SLC38A9: variants seen among roughly 807,000 people sequenced by gnomAD.
SLC38A9 encodes neutral amino acid transporter 9.
In SLC38A9, 48 loss-of-function variants were observed where a neutral mutation model predicts 62.3. That is an observed-to-expected ratio of 0.77 (90% CI 0.61 to 0.98). The LOEUF (loss-of-function observed/expected upper bound fraction) is 0.98, where lower values mean the gene tolerates loss of function less well. Among genes scored for constraint, SLC38A9 ranks in the 50% least tolerant of loss-of-function variants. The pLI is 0.00. For missense variants in SLC38A9, 541 were observed against 679.8 expected (o/e 0.80, Z 2.27); for synonymous variants, 204 against 227.7 (o/e 0.90, Z 0.94).
chr5:55,677,576 G>C (rs1024800418), intron 3 of SLC38A9, among the ~76,000 whole-genome samples: 1 of 151,922 alleles, frequency 6.6e-6, no homozygotes, highest in African/African-American at 2.4e-5. Flanking sequence ...CCATTGTGTC[G>C]CCCAGGCTAG....
Position 55,649,653 on chromosome 5 carries a change from C to G in SLC38A9, c.953-339G>C, listed in dbSNP as rs147154843. Among the ~76,000 whole-genome samples, 953 of 152,234 alleles carry G rather than the reference C, an allele frequency of 6.3e-3. 10 individuals carry two copies. Among genetic ancestry groups the G allele is most frequent in the African/African-American group, 0.022 (924 of 41,558 alleles). ...ACCGGCCAACATGGCGAAACTTCAT[C>G]TCTACTAAAAATACAAAAGTTAGCC... On this transcript the variant is annotated intron_variant, in intron 10 of 15. Transcript: ENST00000396865.
At chr5:55,684,387 T>C (rs1753454424) in intron 3 of SLC38A9, among the ~76,000 whole-genome samples, 1 of 152,224 alleles carries the variant, frequency 6.6e-6, no homozygotes, top group Non-Finnish European at 1.5e-5. Context: ...AGAGTTTATA[T>C]TGGCTTTGGG....
chr5:55,662,237 CA>C (rs1270591869), intron 8 of SLC38A9, among the ~76,000 whole-genome samples: 1 of 151,950 alleles, frequency 6.6e-6, no homozygotes, highest in Non-Finnish European at 1.5e-5. Flanking sequence ...TAAGTGAAAA[CA>C]AATTAAATGT....
intron 10 of SLC38A9, among the ~76,000 whole-genome samples, chr5:55,650,754 A>G (rs1747241654): frequency 6.6e-6 from 1 of 152,204 alleles, no homozygotes; most frequent in African/African-American, 2.4e-5. Context: ...CTGGAAACCT[A>G]GAAGCCACTG....
chr5:55,675,973 C>G lies in SLC38A9; in HGVS notation c.114-3278G>C, dbSNP rs556677156. On this transcript the variant is annotated intron_variant, in intron 3 of 15. Transcript: ENST00000396865. ...AAATAAGGTACAAAACCAGGTACAA[C>G]TGAATTCAGTATTTAGGGATATACA... is the stretch of plus-strand genomic sequence containing the variant. 6.6e-5 allele frequency among the ~76,000 whole-genome samples: 10 copies of G among 152,202 alleles called. 1 individual carries two copies. The highest frequency in any genetic ancestry group is 3.4e-3 in the Middle Eastern group (1 of 294).
intron 12 of SLC38A9, among the ~76,000 whole-genome samples, chr5:55,641,401 G>A (rs1745428423): frequency 6.6e-6 from 1 of 152,202 alleles, no homozygotes. Context: ...TTAATGTGAA[G>A]TTTTCTGACA....
rs2150203168 is a variant in SLC38A9, at chr5:55,654,171, C to T, written c.758-1448G>A. Among the ~76,000 whole-genome samples the T allele has an allele frequency of 1.3e-5, 2 of 152,308 alleles. 1 individual carries two copies. The highest frequency in any genetic ancestry group is 4.1e-4 in the South Asian group (2 of 4,828). ...AGAGAAAGAATATTCATTGTCAGTT[C>T]TATTTTTAATTTTATTCTCTATCCA... is the stretch of plus-strand genomic sequence containing the variant. On this transcript the variant is annotated intron_variant, in intron 9 of 15. Transcript: ENST00000396865.
chr5:55,660,353 G>A (rs1254531342), intron 8 of SLC38A9, among the ~76,000 whole-genome samples: 1 of 152,126 alleles, frequency 6.6e-6, no homozygotes, highest in Non-Finnish European at 1.5e-5. Context: ...GGTCAAGGCT[G>A]CAGTGAGTTG....
chr5:55,693,808 C>G (rs908859055), intron 3 of SLC38A9, among the ~76,000 whole-genome samples: 10 of 152,250 alleles, frequency 6.6e-5, no homozygotes, highest in Middle Eastern at 3.4e-3. Flanking sequence ...CACCTGTAAT[C>G]CCAACACTTT....
chr5:55,701,904 C>T (rs1230397035), intron 2 of SLC38A9, among the ~76,000 whole-genome samples: 2 of 152,168 alleles, frequency 1.3e-5, no homozygotes, highest in African/African-American at 2.4e-5. Flanking sequence ...GTTCTCTTTA[C>T]CACTATGCTA....
rs1471587783 is a variant in SLC38A9, at chr5:55,661,180, C to T, written c.697+3513G>A. On this transcript the variant is annotated intron_variant, in intron 8 of 15. Transcript: ENST00000396865. Reference sequence around the variant, plus strand: ...AGTATCTAGGCCGAGCGCAGTGGCTCACGCCTGTAATCCCAGCACTTTGGG... The same window carrying T: ...AGTATCTAGGCCGAGCGCAGTGGCTTACGCCTGTAATCCCAGCACTTTGGG... Among the ~76,000 whole-genome samples, 7 of 152,222 alleles carry T rather than the reference C, an allele frequency of 4.6e-5. No homozygotes were observed. In the East Asian group the frequency reaches 1.4e-3, roughly 29 times the overall value.
At chr5:55,691,137 A>C in intron 3 of SLC38A9, 1 of 723,590 alleles carries the variant, frequency 1.4e-6, no homozygotes, top group Non-Finnish European at 2.5e-6. Flanking sequence ...AGCACCTGAA[A>C]TGTTCTCAGT....
chr5:55,626,194 T>C lies in SLC38A9; in HGVS notation c.*300A>G. The C allele has an allele frequency of 4.7e-6, 1 of 211,510 alleles. No individual in the cohort carries two copies. The highest frequency in any genetic ancestry group is 9.4e-6 in the Non-Finnish European group (1 of 105,914). 13.1% of individuals were successfully genotyped at this position (211,510 alleles called of 1,614,324 possible). On this transcript the variant is annotated 3_prime_UTR_variant, in exon 16 of 16. Coordinates refer to ENST00000396865, the MANE Select transcript of SLC38A9 (RefSeq NM_173514.4). The stretch of plus-strand genomic sequence containing the variant: ...CAAAATAAATCCACCACCTTTTATC[T>C]CTAAAAGCAAAACCCAGCATGATTT...
chr5:55,640,201 G>T (rs1182501318), intron 12 of SLC38A9, among the ~76,000 whole-genome samples: 5 of 152,034 alleles, frequency 3.3e-5, no homozygotes, highest in Admixed American at 2.6e-4. Flanking sequence ...GGCCAGGCTG[G>T]TCTCAAACTC....
chr5:55,692,786 C>T, intron 3 of SLC38A9: 1 of 985,356 alleles, frequency 1.0e-6, no homozygotes, highest in Non-Finnish European at 1.2e-6. Context: ...TTATTTATCA[C>T]AGAATTTAGA....
Position 55,645,908 on chromosome 5 carries a change from TAAAAAC to T in SLC38A9, c.1061-19_1061-14del. ...TGAAATCTTATCTCTAGGAGAAAAA[TAAAAAC>T]AAGAACATTAAAACTGACAATTAGA... On this transcript the variant is annotated splice_polypyrimidine_tract_variant and intron_variant, in intron 11 of 15. Coordinates refer to ENST00000396865, the MANE Select transcript of SLC38A9 (RefSeq NM_173514.4). 1 of 1,539,658 alleles carries T rather than the reference TAAAAAC, an allele frequency of 6.5e-7. No homozygotes were observed. The highest frequency in any genetic ancestry group is 8.9e-7 in the Non-Finnish European group (1 of 1,129,532).
In SLC38A9 at chr5:55,626,443, G is replaced by A. The variant is rs368705751; in HGVS notation, c.*51C>T. On this transcript the variant is annotated 3_prime_UTR_variant, in exon 16 of 16. Transcript: ENST00000396865. ...ACAAGTGAATTTATATAGAACTGTT[G>A]TCAAGGCTCAAAATATCATGAGAGC... 5.4e-6 allele frequency: 8 copies of A among 1,470,762 alleles called. No homozygotes were observed. The highest frequency in any genetic ancestry group is 2.8e-5 in the African/African-American group (2 of 71,074). The allele number at this position is 1,470,762 out of a possible 1,614,324, so 91.1% of individuals were successfully genotyped here.
At chr5:55,699,794 G>A (rs1356917966) in intron 2 of SLC38A9, among the ~76,000 whole-genome samples, 2 of 152,016 alleles carry the variant, frequency 1.3e-5, no homozygotes, top group African/African-American at 2.4e-5. Flanking sequence ...GAAAATTAAC[G>A]ACATAGAAGA....
chr5:55,634,144 T>C, intron 13 of SLC38A9: 1 of 337,306 alleles, frequency 3.0e-6, no homozygotes, highest in South Asian at 8.5e-5. Flanking sequence ...TTTACAAAAG[T>C]ATCAGCCTGC....
Sources: gnomAD v4.1 joint callset for allele counts (sites outside exome capture counted in the v4.1 genomes callset) on GRCh38, gnomAD v4.1.1 for gene constraint, MANE v1.5 for transcripts, NCBI Gene and HGNC (gene_info 2026-07-23, HGNC 2026-07-21) for gene names.